Variants in DDX41 observed in about 807,000 individuals in gnomAD.
DDX41 encodes the protein probable ATP-dependent RNA helicase DDX41.
Under a neutral mutation model 78.8 loss-of-function variants are expected in DDX41, and 50 were observed. The observed-to-expected ratio is 0.63, with a 90% CI of 0.51 to 0.80. DDX41 has a LOEUF of 0.80. Among genes scored for constraint, DDX41 ranks in the 30% least tolerant of loss-of-function variants. DDX41 has a pLI of 0.00. For synonymous variants in DDX41, 381 were observed against 321.5 expected, an observed-to-expected ratio of 1.19 and a Z score of -1.98; for missense variants, 633 against 849.2, an observed-to-expected ratio of 0.75 and a Z score of 3.16.
Position 177,516,797 on chromosome 5 carries a change from G to T in DDX41, c.66C>A (p.Arg22=), listed in dbSNP as rs1211886366. ...CGTCGTCCTCATCTTCCGCCTCGGA[G>T]CGGCTTCCTCCGGCAGGCACCTCGT... ...RTDEVPAGGS[R]SEAEDEDDED... The change falls in exon 2 of 17, where the codon CGC becomes CGA. Residue 22 remains arginine, a synonymous_variant. Coordinates refer to ENST00000330503, the MANE Select transcript of DDX41 (RefSeq NM_016222.4). 1.2e-6 allele frequency: 2 copies of T among 1,612,558 alleles called. No homozygotes were observed. Among genetic ancestry groups the T allele is most frequent in the Non-Finnish European group, 1.7e-6 (2 of 1,179,834 alleles).
chr5:177,512,053 C>G, intron 16 of DDX41, 43 bp downstream of exon 16: 1 of 1,609,150 alleles, frequency 6.2e-7, no homozygotes. Context: ...CCCCTCCTTG[C>G]CACCTGCCGG....
chr5:177,512,226 G>C lies in DDX41; in HGVS notation c.1622-20C>G, dbSNP rs73334184. On this transcript the variant is annotated intron_variant, in intron 15 of 16. Transcript: ENST00000330503. Reference sequence around the variant, plus strand: ...ACTCATCTGGGGGAGGAGTGGGGAAGCATCAGGGCCCATCCTGGGCTCTGT... The same window carrying C: ...ACTCATCTGGGGGAGGAGTGGGGAACCATCAGGGCCCATCCTGGGCTCTGT... 4,382 of 1,613,744 alleles carry C rather than the reference G, an allele frequency of 2.7e-3. 88 individuals carry two copies. In the African/African-American group the frequency reaches 0.049, roughly 18 times the overall value.
At position 177,515,259 on chromosome 5, in the gene DDX41, C is replaced by T. The variant is rs1554111533; in HGVS notation, c.572-1G>A. The T allele has an allele frequency of 6.2e-7, 1 of 1,613,994 alleles. No individual in the cohort carries two copies. Among genetic ancestry groups the T allele is most frequent in the Non-Finnish European group, 8.5e-7 (1 of 1,180,030 alleles). On this transcript the variant is annotated splice_acceptor_variant, in intron 6 of 16. Transcript: ENST00000330503. LOFTEE classifies it high-confidence loss of function. ...TTCTTCTTCAGGCCTCTCAGGATGG[C>T]TATGAAAACCAACCGACATCGTCTT...
Position 177,513,475 on chromosome 5 carries a change from G to A in DDX41, c.1108C>T (p.Gln370Ter), listed in dbSNP as rs2127436444. ...ATGGTGGCACTGAAGAGCAGGGTCTGTCGCTGGCCCTGAGGAAGAGGGGGG... is the reference window on the plus strand; with the variant it reads ...ATGGTGGCACTGAAGAGCAGGGTCTATCGCTGGCCCTGAGGAAGAGGGGGG... ...TIFSYFKGQRQTLLFSATMPK... is the reference protein window; with the variant it reads ...TIFSYFKGQR The change falls in exon 11 of 17, where the codon CAG becomes TAG. Residue 370 changes from glutamine to a stop codon, truncating the protein, a stop_gained. Coordinates refer to ENST00000330503, the MANE Select transcript of DDX41 (RefSeq NM_016222.4). LOFTEE classifies it high-confidence loss of function. The surrounding 1 kb of genome is among the most constrained non-coding windows in gnomAD (Gnocchi z 4.6). The A allele has an allele frequency of 1.9e-6, 3 of 1,614,180 alleles. No homozygotes were observed. The highest frequency in any genetic ancestry group is 2.5e-6 in the Non-Finnish European group (3 of 1,180,040).
chr5:177,513,269 C>A lies in DDX41; in HGVS notation c.1230+84G>T. On this transcript the variant is annotated intron_variant, in intron 11 of 16. Coordinates refer to ENST00000330503, the MANE Select transcript of DDX41 (RefSeq NM_016222.4). The surrounding 1 kb of genome is among the most constrained non-coding windows in gnomAD (Gnocchi z 4.6). Reference sequence around the variant, plus strand: ...AAACCCCCGGTTCCCACAAGGTGGACCCCCGGCTCCAATCAGCTTCAGGGA... The same window carrying A: ...AAACCCCCGGTTCCCACAAGGTGGAACCCCGGCTCCAATCAGCTTCAGGGA... The A allele has an allele frequency of 1.3e-6, 2 of 1,584,764 alleles. No individual in the cohort carries two copies. Among genetic ancestry groups the A allele is most frequent in the South Asian group, 1.1e-5 (1 of 88,522 alleles).
chr5:177,515,928 C>G lies in DDX41; in HGVS notation c.434+1G>C, dbSNP rs1170971274. On this transcript the variant is annotated splice_donor_variant, in intron 5 of 16. Transcript: ENST00000330503. LOFTEE classifies it high-confidence loss of function. ...GGCAACTGCAGACTGTACAGACATA[C>G]CTGGTTTTGATGGGGTCATCATACG... 6 of 1,614,160 alleles carry G rather than the reference C, an allele frequency of 3.7e-6. No homozygotes were observed. Among genetic ancestry groups the G allele is most frequent in the East Asian group, 2.2e-5 (1 of 44,888 alleles).
At position 177,513,686 on chromosome 5, in the gene DDX41, T is replaced by G. The variant is rs756198515; in HGVS notation, c.1097A>C (p.Lys366Thr). The G allele has an allele frequency of 6.2e-7, 1 of 1,613,284 alleles. No homozygotes were observed. Among genetic ancestry groups the G allele is most frequent in the South Asian group, 1.1e-5 (1 of 91,086 alleles). The change falls in exon 10 of 17, where the codon AAG becomes ACG. Residue 366 changes from lysine to threonine, a missense_variant and splice_region_variant. This residue lies in a region of DDX41 where 185 missense variants were observed against 367.4 expected (regional missense o/e 0.50). Transcript: ENST00000330503. The surrounding 1 kb of genome is among the most constrained non-coding windows in gnomAD (Gnocchi z 4.6). Reference protein sequence around the residue: ...GDIRTIFSYFKGQRQTLLFSA... With the variant: ...GDIRTIFSYFTGQRQTLLFSA... Reference sequence around the variant, plus strand: ...GCCCTGGCCGGGCGGGGGCGGCACCTTGAAGTAGGAGAAGATGGTACGGAT... The same window carrying G: ...GCCCTGGCCGGGCGGGGGCGGCACCGTGAAGTAGGAGAAGATGGTACGGAT...
In DDX41 at chr5:177,516,031, A is replaced by C. The variant is rs778195441; in HGVS notation, c.374-42T>G. 5.0e-6 allele frequency: 8 copies of C among 1,614,134 alleles called. No homozygotes were observed. In the South Asian group the frequency reaches 7.7e-5, roughly 16 times the overall value. On this transcript the variant is annotated intron_variant, in intron 4 of 16. Coordinates refer to ENST00000330503, the MANE Select transcript of DDX41 (RefSeq NM_016222.4). ...GGCTCAGGGCTGGCTCCTGCTTCTG[A>C]GAAGCCAGATCCCTTGAGATATAAC...
chr5:177,515,024 G>A lies in DDX41; in HGVS notation c.690C>T (p.Gly230=). Residue 230 remains glycine (G), a synonymous_variant, in exon 8 of 17, where the codon GGC becomes GGT. Coordinates refer to ENST00000330503, the MANE Select transcript of DDX41 (RefSeq NM_016222.4). ...CGGGCAACGTGAACACCAGTGTCTT[G>A]CCTGAACCCGTGAAAGCGATGCCTA... is the stretch of plus-strand genomic sequence containing the variant. ...DMIGIAFTGS[G]KTLVFTLPVI... 1.2e-6 allele frequency: 2 copies of A among 1,613,712 alleles called. No homozygotes were observed. The highest frequency in any genetic ancestry group is 1.7e-6 in the Non-Finnish European group (2 of 1,179,746).
At position 177,513,225 on chromosome 5, in the gene DDX41, G is replaced by A; in HGVS notation, c.1230+128C>T. 1 of 1,533,898 alleles carries A rather than the reference G, an allele frequency of 6.5e-7. No individual in the cohort carries two copies. Among genetic ancestry groups the A allele is most frequent in the Non-Finnish European group, 8.9e-7 (1 of 1,129,516 alleles). ...GTGCCCTAAAAATGGCCCTGGTTAA[G>A]CGTCAGGGGCTTTGAATGAAACCCC... On this transcript the variant is annotated intron_variant, in intron 11 of 16. Coordinates refer to ENST00000330503, the MANE Select transcript of DDX41 (RefSeq NM_016222.4). This position sits in a 1 kb window ranked among gnomAD's most constrained non-coding sequence, Gnocchi z 4.6.
At chr5:177,516,542 A>G in intron 2 of DDX41, 95 bp from the exon 3 acceptor site, 1 of 1,525,322 alleles carries the variant, frequency 6.6e-7, no homozygotes, top group Middle Eastern at 2.1e-4. Flanking sequence ...CCTGTGCCCG[A>G]GGCGCAAAGC....
At chr5:177,515,370 C>T (rs537507498) in intron 6 of DDX41, 112 bp from the exon 7 acceptor site, 29 of 971,748 alleles carry the variant, frequency 3.0e-5, no homozygotes, top group Non-Finnish European at 4.5e-5. Flanking sequence ...AACTGAGGCT[C>T]AGAGAGAGAG....
chr5:177,513,148 G>A lies in DDX41; in HGVS notation c.1231-66C>T. On this transcript the variant is annotated intron_variant, in intron 11 of 16. Transcript: ENST00000330503. The surrounding 1 kb of genome is among the most constrained non-coding windows in gnomAD (Gnocchi z 4.6). Reference sequence around the variant, plus strand: ...GCTTACCCGCCACAGCCCTGCCATGGCCCGTCATCTGGACCAGGAGGTGAC... The same window carrying A: ...GCTTACCCGCCACAGCCCTGCCATGACCCGTCATCTGGACCAGGAGGTGAC... The A allele has an allele frequency of 1.9e-6, 3 of 1,567,164 alleles. No individual in the cohort carries two copies. Among genetic ancestry groups the A allele is most frequent in the Admixed American group, 1.7e-5 (1 of 58,378 alleles).
chr5:177,513,926 G>T lies in DDX41; in HGVS notation c.936-79C>A. 1 of 1,401,716 alleles carries T rather than the reference G, an allele frequency of 7.1e-7. No homozygotes were observed. Among genetic ancestry groups the T allele is most frequent in the Non-Finnish European group, 1.0e-6 (1 of 998,900 alleles). 86.8% of individuals were successfully genotyped at this position (1,401,716 alleles called of 1,614,324 possible). On this transcript the variant is annotated intron_variant, in intron 9 of 16. Transcript: ENST00000330503. The surrounding 1 kb of genome is among the most constrained non-coding windows in gnomAD (Gnocchi z 4.6). ...AGAGGCAAGCAGGCACCCTGCATCT[G>T]CTCTGCTCTCTGTCCTCCTTCCTAT...
In DDX41 at chr5:177,514,978, GT is replaced by G; in HGVS notation, c.735del (p.Glu245AspfsTer59). Reference protein sequence around the residue: ...FTLPVIMFCLEQEKRLPFSKR... With the variant: ...FTLPVIMFCLXQEKRLPFSKR... The stretch of plus-strand genomic sequence containing the variant: ...TTTGAGAAGGGTAACCTCTTCTCTT[GT>G]TCCAGGCAGAACATGATGACGGGCA... On this transcript the variant is annotated frameshift_variant, in exon 8 of 17. Coordinates refer to ENST00000330503, the MANE Select transcript of DDX41 (RefSeq NM_016222.4). LOFTEE classifies it high-confidence loss of function. The surrounding 1 kb of genome is among the most constrained non-coding windows in gnomAD (Gnocchi z 4.2). 1 of 1,613,744 alleles carries G rather than the reference GT, an allele frequency of 6.2e-7. No individual in the cohort carries two copies. Among genetic ancestry groups the G allele is most frequent in the Non-Finnish European group, 8.5e-7 (1 of 1,179,832 alleles).
intron 6 of DDX41, 184 bp from the exon 7 acceptor site, chr5:177,515,442 A>G (rs1299865171): frequency 4.6e-6 from 4 of 872,212 alleles, no homozygotes; most frequent in Non-Finnish European, 7.4e-6. Flanking sequence ...GGCTAGGTGC[A>G]GCCAGGATTT....
rs1237201568 is a variant in DDX41, at chr5:177,513,113, T to A, written c.1231-31A>T. 6.3e-7 allele frequency: 1 copy of A among 1,597,952 alleles called. No individual in the cohort carries two copies. Among genetic ancestry groups the A allele is most frequent in the South Asian group, 1.1e-5 (1 of 88,292 alleles). ...ACCACAAAGATCAGGTCAGGTGATC[T>A]TGAGATTAGGCTTACCCGCCACAGC... On this transcript the variant is annotated intron_variant, in intron 11 of 16. Coordinates refer to ENST00000330503, the MANE Select transcript of DDX41 (RefSeq NM_016222.4). This position sits in a 1 kb window ranked among gnomAD's most constrained non-coding sequence, Gnocchi z 4.6.
At position 177,514,950 on chromosome 5, in the gene DDX41, C is replaced by T. The variant is rs775735135; in HGVS notation, c.764G>A (p.Arg255His). 12 of 1,612,320 alleles carry T rather than the reference C, an allele frequency of 7.4e-6. No homozygotes were observed. Among genetic ancestry groups the T allele is most frequent in the African/African-American group, 5.3e-5 (4 of 74,918 alleles). ...GATGATGAGTCCATAGGGCCCCTCG[C>T]GCTTTGAGAAGGGTAACCTCTTCTC... ...EQEKRLPFSK[R>H]EGPYGLIICP... is the part of the protein sequence containing the mutation. The change falls in exon 8 of 17, where the codon CGC becomes CAC. Residue 255 changes from arginine to histidine, a missense_variant. By Grantham distance (29) the Arg-to-His change is conservative (BLOSUM62 0). Around this residue, in one of 6 missense-constraint regions of DDX41, gnomAD observed 151 missense variants for 169.2 expected, o/e 0.89. Coordinates refer to ENST00000330503, the MANE Select transcript of DDX41 (RefSeq NM_016222.4). This position sits in a 1 kb window ranked among gnomAD's most constrained non-coding sequence, Gnocchi z 4.2.
At chr5:177,516,857 G>A (rs760129734) in intron 1 of DDX41, 22 bp from the exon 2 acceptor site, 7 of 1,613,096 alleles carry the variant, frequency 4.3e-6, no homozygotes, top group Middle Eastern at 3.3e-4. Context: ...CGCCAGTCAG[G>A]CACGGCCTGC....
Sources: gnomAD v4.1 joint callset for allele counts on GRCh38, gnomAD v4.1.1 for gene constraint, gnomAD v4.1.1 regional missense constraint, Gnocchi (gnomAD v3.1) non-coding constraint, MANE v1.5 for transcripts, NCBI Gene and HGNC (gene_info 2026-07-23, HGNC 2026-07-21) for gene names.